AHDC1: variants seen among roughly 807,000 people sequenced by gnomAD.
AHDC1 encodes the protein transcription factor Gibbin.
Under a neutral mutation model 87.9 loss-of-function variants are expected in AHDC1, and 7 were observed. That is an observed-to-expected ratio of 0.08 (90% CI 0.05 to 0.15). The LOEUF (loss-of-function observed/expected upper bound fraction) is 0.15. Among genes scored for constraint, AHDC1 ranks in the 10% least tolerant of loss-of-function variants. AHDC1 has a pLI of 1.00. For missense variants in AHDC1, 1,841 were observed against 2,253.2 expected, an observed-to-expected ratio of 0.82 and a Z score of 3.70; for synonymous variants, 1,051 against 1,006.8, an observed-to-expected ratio of 1.04 and a Z score of -0.83.
intron 3 of AHDC1, among the ~76,000 whole-genome samples, chr1:27,572,652 C>A (rs990971361): frequency 2.0e-5 from 3 of 152,210 alleles, no homozygotes; most frequent in African/African-American, 7.2e-5. Context: ...ACTGACAAAC[C>A]CAGGTGCAGG....
chr1:27,586,336 A>AC (rs2089056877), intron 3 of AHDC1, among the ~76,000 whole-genome samples: 1 of 151,686 alleles, frequency 6.6e-6, no homozygotes, highest in Non-Finnish European at 1.5e-5. Context: ...GGTGGAGAGG[A>AC]CCCCTGGGAT....
In AHDC1 at chr1:27,548,831, C is replaced by T. The variant is rs1251104924; in HGVS notation, c.3285G>A (p.Ser1095=). ...ASSSSSSFQP[S]PENCRQFAGA... Reference sequence around the variant, plus strand: ...CCGCAAACTGCCGACAGTTCTCGGGCGAGGGCTGGAAGGAGGAGGAGGAGG... The same window carrying T: ...CCGCAAACTGCCGACAGTTCTCGGGTGAGGGCTGGAAGGAGGAGGAGGAGG... The change falls in exon 8 of 9, where the codon TCG becomes TCA. Residue 1095 remains serine (S), a synonymous_variant. Coordinates refer to ENST00000673934, the MANE Select transcript of AHDC1 (RefSeq NM_001371928.1). 6.2e-6 allele frequency: 10 copies of T among 1,612,834 alleles called. No homozygotes were observed. The highest frequency in any genetic ancestry group is 8.5e-6 in the Non-Finnish European group (10 of 1,179,838).
At position 27,598,370 on chromosome 1, in the gene AHDC1, G is replaced by A. The variant is rs1231015566; in HGVS notation, c.-629+5027C>T. Reference sequence around the variant, plus strand: ...TTACTCTCACTTCACCATTGCCCCCGGAGCCAGGCCCTGCAGGAGAGGGAT... The same window carrying A: ...TTACTCTCACTTCACCATTGCCCCCAGAGCCAGGCCCTGCAGGAGAGGGAT... On this transcript the variant is annotated intron_variant, in intron 3 of 8. Coordinates refer to ENST00000673934, the MANE Select transcript of AHDC1 (RefSeq NM_001371928.1). This position sits in a 1 kb window ranked among gnomAD's most constrained non-coding sequence, Gnocchi z 4.2. Among the ~76,000 whole-genome samples the A allele has an allele frequency of 3.3e-5, 5 of 152,196 alleles. No individual in the cohort carries two copies. The highest frequency in any genetic ancestry group is 6.5e-5 in the Admixed American group (1 of 15,288).
intron 3 of AHDC1, among the ~76,000 whole-genome samples, chr1:27,578,015 C>T (rs372522072): frequency 3.9e-5 from 6 of 152,218 alleles, no homozygotes; most frequent in African/African-American, 1.2e-4. Context: ...GGTGTAACCT[C>T]TGGCGAGTAC....
chr1:27,568,483 G>A (rs2020418145), intron 3 of AHDC1, among the ~76,000 whole-genome samples: 1 of 152,128 alleles, frequency 6.6e-6, no homozygotes, highest in African/African-American at 2.4e-5. Flanking sequence ...GGAAGGGCGA[G>A]GCCTTCAACG....
At chr1:27,545,429 G>A (rs775580909) in intron 8 of AHDC1, among the ~76,000 whole-genome samples, 7 of 151,988 alleles carry the variant, frequency 4.6e-5, no homozygotes, top group African/African-American at 9.7e-5. Flanking sequence ...TTCCTCCTGC[G>A]TTCAGGCCTC....
At chr1:27,592,667 G>A (rs1203306812) in intron 3 of AHDC1, among the ~76,000 whole-genome samples, 2 of 152,060 alleles carry the variant, frequency 1.3e-5, no homozygotes, top group Non-Finnish European at 2.9e-5. Context: ...TCCCCAGCTG[G>A]CTGGCCTTGA....
intron 3 of AHDC1, among the ~76,000 whole-genome samples, chr1:27,576,089 G>T (rs899379587): frequency 6.6e-6 from 1 of 152,158 alleles, no homozygotes; most frequent in Non-Finnish European, 1.5e-5. Flanking sequence ...CTACCTGCAC[G>T]CCCCTCCTGC....
intron 3 of AHDC1, among the ~76,000 whole-genome samples, chr1:27,579,198 CTAACTTTT>C (rs1406959491): frequency 6.6e-6 from 1 of 152,096 alleles, no homozygotes; most frequent in African/African-American, 2.4e-5. Context: ...CCATGCCCAA[CTAACTTTT>C]TAACGTTTTT....
chr1:27,594,168 C>A (rs2089301908), intron 3 of AHDC1, among the ~76,000 whole-genome samples: 1 of 152,184 alleles, frequency 6.6e-6, no homozygotes, highest in South Asian at 2.1e-4. Flanking sequence ...CGTTTAAAAT[C>A]ATGCATCTAG....
At chr1:27,542,865 G>A (rs368228938) in intron 8 of AHDC1, among the ~76,000 whole-genome samples, 1 of 152,224 alleles carries the variant, frequency 6.6e-6, no homozygotes, top group African/African-American at 2.4e-5. Flanking sequence ...CATGGCTGCA[G>A]GAGTGGCAAG....
rs2089194358 is a variant in AHDC1 at position 27,590,547 on chromosome 1, G to A, written c.-629+12850C>T. 6.6e-6 allele frequency among the ~76,000 whole-genome samples: 1 copy of A among 151,662 alleles called. No individual in the cohort carries two copies. Among genetic ancestry groups the A allele is most frequent in the Non-Finnish European group, 1.5e-5 (1 of 67,930 alleles). On this transcript the variant is annotated intron_variant, in intron 3 of 8. Transcript: ENST00000673934. This position sits in a 1 kb window ranked among gnomAD's most constrained non-coding sequence, Gnocchi z 5.4. Reference sequence around the variant, plus strand: ...TTCTGCACCTCACCTCCAAGTCCGAGGGCTCTCAAGGTGAGTGTTTTGCTT... The same window carrying A: ...TTCTGCACCTCACCTCCAAGTCCGAAGGCTCTCAAGGTGAGTGTTTTGCTT...
intron 5 of AHDC1, among the ~76,000 whole-genome samples, chr1:27,556,918 T>C (rs2019841540): frequency 6.6e-6 from 1 of 151,174 alleles, no homozygotes; most frequent in Non-Finnish European, 1.5e-5. Flanking sequence ...CGCCACTAGG[T>C]GTCCCCTTGG....
rs2019908020 is a variant in AHDC1 at position 27,558,082 on chromosome 1, T to C, written c.-225+223A>G. ...AGTAGGGTGGGGTCCCCAGGCAGGC[T>C]CAGCTCTAGGGAGCTTCCTGGAGCC... On this transcript the variant is annotated intron_variant, in intron 5 of 8. Coordinates refer to ENST00000673934, the MANE Select transcript of AHDC1 (RefSeq NM_001371928.1). The surrounding 1 kb of genome is among the most constrained non-coding windows in gnomAD (Gnocchi z 5.6). Among the ~76,000 whole-genome samples, 1 of 152,188 alleles carries C rather than the reference T, an allele frequency of 6.6e-6. No individual in the cohort carries two copies. The highest frequency in any genetic ancestry group is 6.5e-5 in the Admixed American group (1 of 15,280).
rs78511171 is a variant in AHDC1, at chr1:27,549,062, G to A, written c.3054C>T (p.Ala1018=). Reference sequence around the variant, plus strand: ...CCCCGGTAGGCGGTGGGGCATAGCCGGCGCTGTGGGCGCTGCTGGGTGAGG... The same window carrying A: ...CCCCGGTAGGCGGTGGGGCATAGCCAGCGCTGTGGGCGCTGCTGGGTGAGG... ...LPASPSSAHS[A]GYAPPPTGGP... The change falls in exon 8 of 9, where the codon GCC becomes GCT. Residue 1018 remains alanine (A), a synonymous_variant. Transcript: ENST00000673934. The A allele has an allele frequency of 5.4e-4, 843 of 1,565,766 alleles. 5 individuals carry two copies. The African/African-American group carries it at 9.8e-3, about 18-fold the overall frequency.
chr1:27,547,919 C>A lies in AHDC1; in HGVS notation c.4197G>T (p.Ser1399=). The change falls in exon 8 of 9, where the codon TCG becomes TCT. Residue 1399 remains serine, a synonymous_variant. Transcript: ENST00000673934. This position sits in a 1 kb window ranked among gnomAD's most constrained non-coding sequence, Gnocchi z 4.9. Reference sequence around the variant, plus strand: ...AGCCCAGTGTAGGCGAGCAGGTGGGCGAGTATGCCTTCTGCAGGCCGGCGT... The same window carrying A: ...AGCCCAGTGTAGGCGAGCAGGTGGGAGAGTATGCCTTCTGCAGGCCGGCGT... ...VFDAGLQKAY[S]PTCSPTLGFK... is the part of the protein sequence containing the mutation. 6.4e-7 allele frequency: 1 copy of A among 1,573,362 alleles called. No homozygotes were observed. Among genetic ancestry groups the A allele is most frequent in the South Asian group, 1.2e-5 (1 of 84,844 alleles).
rs1426701357 is a variant in AHDC1, at chr1:27,561,316, C to T, written c.-628-2433G>A. Among the ~76,000 whole-genome samples, 1 of 152,046 alleles carries T rather than the reference C, an allele frequency of 6.6e-6. No homozygotes were observed. Among genetic ancestry groups the T allele is most frequent in the South Asian group, 2.1e-4 (1 of 4,824 alleles). Reference sequence around the variant, plus strand: ...TATGGTGGTGGTGGGTGGGAGGAGTCTGCATGGGGTCTGCCTGGCCCTGAG... The same window carrying T: ...TATGGTGGTGGTGGGTGGGAGGAGTTTGCATGGGGTCTGCCTGGCCCTGAG... On this transcript the variant is annotated intron_variant, in intron 3 of 8. Transcript: ENST00000673934. The surrounding 1 kb of genome is among the most constrained non-coding windows in gnomAD (Gnocchi z 4.2).
At chr1:27,536,819 C>T (rs1318296485) in intron 8 of AHDC1, among the ~76,000 whole-genome samples, 3 of 152,062 alleles carry the variant, frequency 2.0e-5, no homozygotes, top group Admixed American at 6.5e-5. Context: ...CCAAGGGCCC[C>T]GGGGCAGGCT....
intron 5 of AHDC1, among the ~76,000 whole-genome samples, chr1:27,553,845 C>T (rs1261314190): frequency 2.0e-5 from 3 of 152,154 alleles, no homozygotes; most frequent in African/African-American, 7.2e-5. Context: ...GCAGGAGGAT[C>T]GCTTGAGTCC....
Sources: gnomAD v4.1 joint callset for allele counts (sites outside exome capture counted in the v4.1 genomes callset) on GRCh38, gnomAD v4.1.1 for gene constraint, Gnocchi (gnomAD v3.1) non-coding constraint, MANE v1.5 for transcripts, NCBI Gene and HGNC (gene_info 2026-07-23, HGNC 2026-07-21) for gene names.